The following CACNA1A variants were observed in gnomAD, a reference collection of about 807,000 sequenced individuals.
CACNA1A encodes the protein calcium voltage-gated channel subunit alpha1 A, also known as voltage-dependent P/Q-type calcium channel subunit alpha-1A.
In CACNA1A, 57 loss-of-function variants were observed where a neutral mutation model predicts 262.4. That is an observed-to-expected ratio of 0.22 (90% CI 0.18 to 0.27). CACNA1A has a LOEUF of 0.27. Among genes scored for constraint, CACNA1A ranks in the 10% least tolerant of loss-of-function variants. CACNA1A has a pLI of 1.00. For synonymous variants in CACNA1A, 1,431 were observed against 1,419.3 expected (o/e 1.01, Z -0.18); for missense variants, 2,526 against 3,562.8 (o/e 0.71, Z 7.41).
chr19:13,404,237 T>C (rs1157384953), intron 3 of CACNA1A, among the ~76,000 whole-genome samples: 1 of 152,090 alleles, frequency 6.6e-6, no homozygotes, highest in Non-Finnish European at 1.5e-5. Context: ...TGCTGCTATA[T>C]ATGTTTCTGT....
chr19:13,260,332 A>ATTCATATATATATATATATAT (rs2056699773), intron 26 of CACNA1A: 1 of 77,136 alleles, frequency 1.3e-5, no homozygotes, highest in Admixed American at 1.1e-4. Flanking sequence ...ATATATATAT[A>ATTCATATATATATATATATAT]TTTTTGTTGT....
Position 13,224,712 on chromosome 19 carries a change from G to C in CACNA1A, c.5686C>G (p.Leu1896Val). Residue 1896 changes from leucine (L) to valine (V), a missense_variant, in exon 38 of 47, where the codon CTC (leucine) becomes GTC (valine). Physicochemically the swap from Leu to Val is conservative, Grantham distance 32. Transcript: ENST00000360228. ...DDNTVHFNSTLMALIRTALDI... is the reference protein window; with the variant it reads ...DDNTVHFNSTVMALIRTALDI... ...AGGGCTGTGCGGATCAGAGCCATGA[G>C]GGTGGAATTGAAGTGGACGGTGTTG... The C allele has an allele frequency of 6.2e-7, 1 of 1,613,010 alleles. No homozygotes were observed. Among genetic ancestry groups the C allele is most frequent in the Non-Finnish European group, 8.5e-7 (1 of 1,179,566 alleles).
intron 3 of CACNA1A, among the ~76,000 whole-genome samples, chr19:13,446,250 GAAAA>G (rs59977753): frequency 1.4e-4 from 13 of 90,234 alleles, no homozygotes; most frequent in Admixed American, 8.0e-4. Flanking sequence ...ACTCTGTCCC[GAAAA>G]AAAAAAAAAA....
intron 1 of CACNA1A, among the ~76,000 whole-genome samples, chr19:13,502,673 T>A (rs1438524916): frequency 6.6e-6 from 1 of 152,156 alleles, no homozygotes; most frequent in East Asian, 1.9e-4. Flanking sequence ...AAGACTTCCA[T>A]TTGGGTTTCC....
intron 6 of CACNA1A, among the ~76,000 whole-genome samples, 157 bp downstream of exon 6, chr19:13,359,449 C>G (rs2059063901): frequency 6.6e-6 from 1 of 152,128 alleles, no homozygotes; most frequent in Non-Finnish European, 1.5e-5. Context: ...TCTTCAAAAG[C>G]CTGAGCCTCA....
intron 31 of CACNA1A, among the ~76,000 whole-genome samples, chr19:13,240,332 G>A (rs187776936): frequency 1.2e-4 from 18 of 151,940 alleles, no homozygotes; most frequent in African/African-American, 4.1e-4. Context: ...ATGTGTGAAT[G>A]CAGACTGTGT....
In CACNA1A at chr19:13,217,280, C is replaced by T. The variant is rs183769755; in HGVS notation, c.5732-2672G>A. On this transcript the variant is annotated intron_variant, in intron 38 of 46. Coordinates refer to ENST00000360228, the MANE Select transcript of CACNA1A (RefSeq NM_001127222.2). ...ACAGAGAGAATGAGATGGACTTGCC[C>T]CCTTTCTCCCAGTCTCCAGCAATGA... Among the ~76,000 whole-genome samples the T allele has an allele frequency of 1.4e-4, 21 of 152,184 alleles. No homozygotes were observed. In the East Asian group the frequency reaches 3.7e-3, roughly 27 times the overall value.
intron 3 of CACNA1A, among the ~76,000 whole-genome samples, chr19:13,375,675 C>A (rs2059392553): frequency 6.6e-6 from 1 of 152,086 alleles, no homozygotes; most frequent in African/African-American, 2.4e-5. Flanking sequence ...GTGGTCTCAG[C>A]TACTTAGGAG....
intron 24 of CACNA1A, chr19:13,274,326 T>C (rs2057096289): frequency 6.6e-6 from 1 of 152,162 alleles, no homozygotes; most frequent in Admixed American, 6.5e-5. Context: ...TAACAGCCCT[T>C]CTACTGGAAA....
chr19:13,429,206 A>ACC (rs753530876), intron 3 of CACNA1A, among the ~76,000 whole-genome samples: 15 of 118,554 alleles, frequency 1.3e-4, no homozygotes, highest in South Asian at 2.8e-4. Flanking sequence ...ACACACACAC[A>ACC]CCCCTCTTTC....
At chr19:13,370,056 G>T (rs2059291223) in intron 4 of CACNA1A, among the ~76,000 whole-genome samples, 1 of 152,082 alleles carries the variant, frequency 6.6e-6, no homozygotes, top group African/African-American at 2.4e-5. Flanking sequence ...TAAAAAAATG[G>T]AAATACTTAG....
At chr19:13,338,469 C>T (rs988546865) in intron 6 of CACNA1A, among the ~76,000 whole-genome samples, 3 of 152,114 alleles carry the variant, frequency 2.0e-5, no homozygotes, top group African/African-American at 7.2e-5. Flanking sequence ...ACAGAAAGCA[C>T]ACACAAGAAC....
At chr19:13,475,016 A>G (rs1382428977) in intron 1 of CACNA1A, among the ~76,000 whole-genome samples, 1 of 152,194 alleles carries the variant, frequency 6.6e-6, no homozygotes, top group Non-Finnish European at 1.5e-5. Flanking sequence ...AGATTGAAAA[A>G]CAGGAAAATT....
At chr19:13,444,649 G>C (rs1186865267) in intron 3 of CACNA1A, among the ~76,000 whole-genome samples, 1 of 152,074 alleles carries the variant, frequency 6.6e-6, no homozygotes, top group African/African-American at 2.4e-5. Context: ...GGGCTCTAGT[G>C]GCAGAACCTG....
chr19:13,327,907 A>AT (rs532836433), intron 10 of CACNA1A, among the ~76,000 whole-genome samples: 12 of 151,954 alleles, frequency 7.9e-5, no homozygotes, highest in African/African-American at 2.9e-4. Context: ...ATGTTATTTT[A>AT]TTTTTTTAAG....
chr19:13,311,243 C>T (rs1036050331), intron 12 of CACNA1A, among the ~76,000 whole-genome samples: 1 of 152,128 alleles, frequency 6.6e-6, no homozygotes, highest in African/African-American at 2.4e-5. Flanking sequence ...GTGTGCACCA[C>T]CACACCTGGC....
intron 1 of CACNA1A, among the ~76,000 whole-genome samples, chr19:13,505,540 T>G (rs1014643177): frequency 6.6e-5 from 10 of 151,908 alleles, no homozygotes; most frequent in Non-Finnish European, 1.5e-4. Context: ...TCCCCTGCCC[T>G]GGCCAGAAGC....
intron 18 of CACNA1A, 69 bp downstream of exon 18, chr19:13,300,481 A>T: frequency 1.8e-6 from 2 of 1,140,828 alleles, no homozygotes; most frequent in South Asian, 2.5e-5. Context: ...ACTGCTTCCC[A>T]AATCTGTGCC....
At chr19:13,215,008 GTGTGT>G (rs774272791) in intron 38 of CACNA1A, 4 of 167,258 alleles carry the variant, frequency 2.4e-5, no homozygotes, top group South Asian at 1.5e-4. Flanking sequence ...GTGTGTGTGT[GTGTGT>G]TTTTTTTTTT....
Sources: allele counts gnomAD v4.1 joint callset (sites outside exome capture counted in the v4.1 genomes callset), GRCh38; gene constraint gnomAD v4.1.1; transcripts MANE v1.5; gene names NCBI Gene and HGNC (gene_info 2026-07-23, HGNC 2026-07-21).